The following INO80D variants were observed in gnomAD, a reference collection of about 807,000 sequenced individuals.
The protein encoded by INO80D is INO80 complex subunit D.
Under a neutral mutation model 87.6 loss-of-function variants are expected in INO80D, and 21 were observed. That is an observed-to-expected ratio of 0.24 (90% CI 0.17 to 0.35). The LOEUF (loss-of-function observed/expected upper bound fraction) is 0.35. Ranked by LOEUF, INO80D falls within the 10% of genes least tolerant of loss-of-function variation. The pLI, the probability that INO80D is intolerant of heterozygous loss-of-function variation, is 1.00. For missense variants in INO80D, 982 were observed against 1,280.7 expected (o/e 0.77, Z 3.56); for synonymous variants, 440 against 491.0 (o/e 0.90, Z 1.37).
chr2:206,078,353 A>G (rs1400203630), intron 1 of INO80D, among the ~76,000 whole-genome samples: 1 of 151,894 alleles, frequency 6.6e-6, no homozygotes, highest in Non-Finnish European at 1.5e-5. Flanking sequence ...GGTGGTGGAG[A>G]TTGCAGTGAG....
chr2:206,018,150 TTTTTTGTTTTGA>T (rs1688367786), intron 7 of INO80D, among the ~76,000 whole-genome samples: 1 of 152,160 alleles, frequency 6.6e-6, no homozygotes, highest in African/African-American at 2.4e-5. Flanking sequence ...TTTTGTTTTG[TTTTTTGTTTTGA>T]GATGAAGTCA....
chr2:206,007,224 T>A, intron 10 of INO80D, 60 bp downstream of exon 10: 1 of 1,466,888 alleles, frequency 6.8e-7, no homozygotes. Flanking sequence ...AAAACACTAT[T>A]TCTTTTCTTA....
intron 1 of INO80D, among the ~76,000 whole-genome samples, chr2:206,065,389 G>T (rs1689788022): frequency 6.6e-6 from 1 of 152,134 alleles, no homozygotes; most frequent in African/African-American, 2.4e-5. Flanking sequence ...AGAATCACTT[G>T]AACCTGGGGG....
Position 206,011,205 on chromosome 2 carries a change from G to A in INO80D, c.1543-1411C>T, listed in dbSNP as rs142850659. Among the ~76,000 whole-genome samples, 376 of 152,044 alleles carry A rather than the reference G, an allele frequency of 2.5e-3. 2 individuals carry two copies. Among genetic ancestry groups the A allele is most frequent in the African/African-American group, 8.3e-3 (346 of 41,448 alleles). On this transcript the variant is annotated intron_variant, in intron 8 of 10. Transcript: ENST00000403263. ...GGTGAATGCGCAAGGGCCAGTACCC[G>A]AACATTGTGCTCAGCATCCATTCCA...
intron 7 of INO80D, among the ~76,000 whole-genome samples, chr2:206,018,147 T>C (rs1394872935): frequency 6.6e-6 from 1 of 152,144 alleles, no homozygotes; most frequent in African/African-American, 2.4e-5. Context: ...TTTTTTTGTT[T>C]TGTTTTTTGT....
At position 206,085,671 on chromosome 2, in the gene INO80D, C is replaced by T. The variant is rs1420506231; in HGVS notation, c.-124+230G>A. ...CTCCGGCTCCGGCTGGACCCCTGCC[C>T]GCCCGCCGTCGCCGCCCGCGGGCGC... On this transcript the variant is annotated intron_variant, in intron 1 of 10. Transcript: ENST00000403263. The surrounding 1 kb of genome is among the most constrained non-coding windows in gnomAD (Gnocchi z 4.5). The T allele has an allele frequency of 6.7e-6, 1 of 149,882 alleles. No individual in the cohort carries two copies. Among genetic ancestry groups the T allele is most frequent in the Non-Finnish European group, 1.5e-5 (1 of 67,334 alleles). 9.3% of individuals were successfully genotyped at this position (149,882 alleles called of 1,614,324 possible).
intron 5 of INO80D, among the ~76,000 whole-genome samples, chr2:206,038,889 T>C (rs1306716602): frequency 1.3e-5 from 2 of 152,212 alleles, no homozygotes; most frequent in African/African-American, 2.4e-5. Context: ...TTCAGAGTAC[T>C]TGCTGATATA....
At chr2:206,064,144 A>G (rs1689755741) in intron 1 of INO80D, among the ~76,000 whole-genome samples, 2 of 152,208 alleles carry the variant, frequency 1.3e-5, no homozygotes, top group African/African-American at 4.8e-5. Flanking sequence ...AAAGTTCTGC[A>G]CCACATGGTG....
intron 8 of INO80D, among the ~76,000 whole-genome samples, chr2:206,013,181 A>T (rs1472158139): frequency 6.6e-6 from 1 of 152,122 alleles, no homozygotes; most frequent in Non-Finnish European, 1.5e-5. Context: ...TGCCTCATTG[A>T]ATTTGCCTAA....
rs1426193825 is a variant in INO80D, at chr2:206,085,145, G to T, written c.-124+756C>A. Reference sequence around the variant, plus strand: ...CGGGCGCTAGGACCAGGGCTCCCCGGAGAGACAGCGGCCCCCAGTTCGGGC... The same window carrying T: ...CGGGCGCTAGGACCAGGGCTCCCCGTAGAGACAGCGGCCCCCAGTTCGGGC... On this transcript the variant is annotated intron_variant, in intron 1 of 10. Transcript: ENST00000403263. The surrounding 1 kb of genome is among the most constrained non-coding windows in gnomAD (Gnocchi z 4.5). Among the ~76,000 whole-genome samples, 1 of 152,216 alleles carries T rather than the reference G, an allele frequency of 6.6e-6. No homozygotes were observed. Among genetic ancestry groups the T allele is most frequent in the African/African-American group, 2.4e-5 (1 of 41,566 alleles).
At chr2:206,078,449 T>C (rs1275899412) in intron 1 of INO80D, among the ~76,000 whole-genome samples, 1 of 151,958 alleles carries the variant, frequency 6.6e-6, no homozygotes, top group African/African-American at 2.4e-5. Flanking sequence ...AAAATCCAAA[T>C]TTCCCCACAA....
intron 5 of INO80D, among the ~76,000 whole-genome samples, chr2:206,031,574 G>A (rs377744354): frequency 1.2e-4 from 18 of 152,340 alleles, no homozygotes; most frequent in East Asian, 5.8e-4. Flanking sequence ...CGCCACTGCT[G>A]CATGGCCCTG....
At chr2:206,009,209 G>A (rs953596833) in intron 9 of INO80D, among the ~76,000 whole-genome samples, 2 of 152,194 alleles carry the variant, frequency 1.3e-5, no homozygotes, top group African/African-American at 4.8e-5. Context: ...TAGGGTGGCT[G>A]AGGCAGAAGA....
At chr2:206,080,946 G>GA (rs984129887) in intron 1 of INO80D, among the ~76,000 whole-genome samples, 4 of 124,074 alleles carry the variant, frequency 3.2e-5, no homozygotes, top group African/African-American at 9.1e-5. Flanking sequence ...AAAATCTTTA[G>GA]AAAAAAATAG....
intron 6 of INO80D, among the ~76,000 whole-genome samples, chr2:206,024,502 G>A (rs1387647397): frequency 6.6e-6 from 1 of 151,746 alleles, no homozygotes; most frequent in Non-Finnish European, 1.5e-5. Flanking sequence ...GGGTGTAAGG[G>A]AAGAGTAGGC....
At chr2:206,015,182 T>G (rs538929460) in intron 8 of INO80D, among the ~76,000 whole-genome samples, 37 of 152,134 alleles carry the variant, frequency 2.4e-4, no homozygotes, top group Non-Finnish European at 4.9e-4. Flanking sequence ...GACAATGCAG[T>G]AGAAAAGAAA....
rs867126607 is a variant in INO80D at position 206,081,564 on chromosome 2, G to A, written c.-124+4337C>T. Among the ~76,000 whole-genome samples the A allele has an allele frequency of 7.9e-5, 12 of 152,084 alleles. No homozygotes were observed. The East Asian group carries it at 1.9e-3, about 24-fold the overall frequency. The stretch of plus-strand genomic sequence containing the variant: ...ATCCAGGAGTTTGAGACCAGCCTGG[G>A]CAACATGGGGAAACCCTGTCTCTAC... On this transcript the variant is annotated intron_variant, in intron 1 of 10. Transcript: ENST00000403263.
At position 206,009,524 on chromosome 2, in the gene INO80D, T is replaced by G; in HGVS notation, c.1760+53A>C. ...AATAACCACATGAAGCTAGATGTTC[T>G]GAGAAGAATCCCAAAATGTAAAGAA... On this transcript the variant is annotated intron_variant, in intron 9 of 10. Transcript: ENST00000403263. The G allele has an allele frequency of 3.4e-6, 5 of 1,454,198 alleles. No individual in the cohort carries two copies. The South Asian group carries it at 6.5e-5, about 19-fold the overall frequency. The allele number at this position is 1,454,198 out of a possible 1,614,324, so 90.1% of individuals were successfully genotyped here.
intron 10 of INO80D, among the ~76,000 whole-genome samples, chr2:206,007,032 T>C: frequency 6.6e-6 from 1 of 152,190 alleles, no homozygotes; most frequent in Middle Eastern, 3.4e-3. Flanking sequence ...GGCGACAGAG[T>C]GAGACTCTGT....
Sources: allele counts gnomAD v4.1 joint callset (sites outside exome capture counted in the v4.1 genomes callset), GRCh38; gene constraint gnomAD v4.1.1; non-coding constraint Gnocchi (gnomAD v3.1); transcripts MANE v1.5; gene names NCBI Gene and HGNC (gene_info 2026-07-23, HGNC 2026-07-21).